The following ABCC8 variants were observed in gnomAD, a reference collection of about 807,000 sequenced individuals.
ABCC8 encodes ATP-binding cassette sub-family C member 8.
In ABCC8, 137 loss-of-function variants were observed where a neutral mutation model predicts 188.0. The ratio of observed to expected loss-of-function variants is 0.73; its 90% CI spans 0.63 to 0.84. The LOEUF (loss-of-function observed/expected upper bound fraction) is 0.84, where lower values mean the gene tolerates loss of function less well. ABCC8 is among the 40% of genes least tolerant of loss of function. The probability of loss-of-function intolerance (pLI) is 0.00; values close to 1 mark genes in which losing one functional copy is unlikely to be tolerated. For synonymous variants in ABCC8, 797 were observed against 846.5 expected, an observed-to-expected ratio of 0.94 and a Z score of 1.01; for missense variants, 1,750 against 2,072.7, an observed-to-expected ratio of 0.84 and a Z score of 3.02.
chr11:17,395,085 C>CA, intron 36 of ABCC8, 87 bp downstream of exon 36: 2 of 1,521,094 alleles, frequency 1.3e-6, no homozygotes, highest in South Asian at 2.4e-5. Flanking sequence ...AAACTTGGGG[C>CA]AAACCTGAGA....
Position 17,476,747 on chromosome 11 carries a change from G to C in ABCC8, c.30C>G (p.Asn10Lys). Reference protein sequence around the residue: MPLAFCGSENHSAAYRVDQG... With the variant: MPLAFCGSEKHSAAYRVDQG... ...GGTCCACCCGGTAGGCGGCCGAGTGGTTCTCGCTGCCGCAGAAGGCCAGGG... is the reference window on the plus strand; with the variant it reads ...GGTCCACCCGGTAGGCGGCCGAGTGCTTCTCGCTGCCGCAGAAGGCCAGGG... Residue 10 changes from asparagine to lysine, a missense_variant, in exon 1 of 39, where the codon AAC becomes AAG. Asn to Lys is a moderately conservative substitution (Grantham distance 94, BLOSUM62 0). Transcript: ENST00000389817. 6.3e-7 allele frequency: 1 copy of C among 1,595,172 alleles called. No individual in the cohort carries two copies. The highest frequency in any genetic ancestry group is 8.5e-7 in the Non-Finnish European group (1 of 1,171,202).
In ABCC8 at chr11:17,427,335, C is replaced by T. The variant is rs2133532790; in HGVS notation, c.2117-181G>A. The T allele has an allele frequency of 2.6e-6, 2 of 783,278 alleles. No individual in the cohort carries two copies. Among genetic ancestry groups the T allele is most frequent in the Non-Finnish European group, 3.1e-6 (2 of 645,710 alleles). 48.5% of individuals were successfully genotyped at this position (783,278 alleles called of 1,614,324 possible). ...TTTCCTTCTGGAAATCAACATCCTC[C>T]TCTGGCTCCCCAGGTCCTTCCCCCT... On this transcript the variant is annotated intron_variant, in intron 15 of 38. Coordinates refer to ENST00000389817, the MANE Select transcript of ABCC8 (RefSeq NM_000352.6). This position sits in a 1 kb window ranked among gnomAD's most constrained non-coding sequence, Gnocchi z 5.0.
chr11:17,413,483 C>A lies in ABCC8; in HGVS notation c.2391-5G>T, dbSNP rs370096884. 6.2e-7 allele frequency: 1 copy of A among 1,613,666 alleles called. No individual in the cohort carries two copies. Among genetic ancestry groups the A allele is most frequent in the South Asian group, 1.1e-5 (1 of 91,060 alleles). ...GCTTCAATGACCATCTTGTACCTGGCGTGGGTAGAGGCAGGGGATGCAGCT... is the reference window on the plus strand; with the variant it reads ...GCTTCAATGACCATCTTGTACCTGGAGTGGGTAGAGGCAGGGGATGCAGCT... On this transcript the variant is annotated splice_region_variant and splice_polypyrimidine_tract_variant and intron_variant, in intron 19 of 38. Coordinates refer to ENST00000389817, the MANE Select transcript of ABCC8 (RefSeq NM_000352.6).
rs763794263 is a variant in ABCC8, at chr11:17,432,232, G to A, written c.1643C>T (p.Thr548Met). The A allele has an allele frequency of 3.1e-5, 48 of 1,552,522 alleles. No individual in the cohort carries two copies. The highest frequency in any genetic ancestry group is 2.4e-5 in the East Asian group (1 of 41,064). ...IYTSISIFMN[T>M]AIPIAAVLIT... The stretch of plus-strand genomic sequence containing the variant: ...GAGGACAGCTGCAATGGGGATGGCC[G>A]TGTTCATGAAAACTGCAGAGGAAGC... Residue 548 changes from threonine to methionine, a missense_variant, in exon 11 of 39, where the codon ACG becomes ATG. Physicochemically the swap from Thr to Met is moderately conservative, Grantham distance 81 (BLOSUM62 -1). Coordinates refer to ENST00000389817, the MANE Select transcript of ABCC8 (RefSeq NM_000352.6).
Position 17,476,740 on chromosome 11 carries a change from C to T in ABCC8, c.37G>A (p.Ala13Thr), listed in dbSNP as rs1343830800. 1.9e-6 allele frequency: 3 copies of T among 1,599,922 alleles called. No homozygotes were observed. Among genetic ancestry groups the T allele is most frequent in the Admixed American group, 1.7e-5 (1 of 58,280 alleles). Reference sequence around the variant, plus strand: ...ACCCCCTGGTCCACCCGGTAGGCGGCCGAGTGGTTCTCGCTGCCGCAGAAG... The same window carrying T: ...ACCCCCTGGTCCACCCGGTAGGCGGTCGAGTGGTTCTCGCTGCCGCAGAAG... The part of the protein sequence containing the change: ...LAFCGSENHS[A>T]AYRVDQGVLN... The change falls in exon 1 of 39, where the codon GCC becomes ACC. Residue 13 changes from alanine to threonine, a missense_variant. By Grantham distance (58) the Ala-to-Thr change is moderately conservative (BLOSUM62 0). Transcript: ENST00000389817.
chr11:17,413,559 C>T (rs887257236), intron 19 of ABCC8, 81 bp from the exon 20 acceptor site: 6 of 1,611,688 alleles, frequency 3.7e-6, no homozygotes, highest in Non-Finnish European at 5.1e-6. Context: ...TCATTAGTCT[C>T]TGGGTAGCTA....
Position 17,393,752 on chromosome 11 carries a change from A to T in ABCC8, c.4553T>A (p.Ile1518Asn). ...TASIDMATEN[I>N]LQKVVMTAFA... ...GGCTGTCATCACCACCTTTTGGAGGATGTTTTCCTGCCAAGTGGGGGCAAC... is the reference window on the plus strand; with the variant it reads ...GGCTGTCATCACCACCTTTTGGAGGTTGTTTTCCTGCCAAGTGGGGGCAAC... The change falls in exon 38 of 39, where the codon ATC (isoleucine) becomes AAC (asparagine). Residue 1518 changes from isoleucine (I) to asparagine (N), a missense_variant. Coordinates refer to ENST00000389817, the MANE Select transcript of ABCC8 (RefSeq NM_000352.6). 1 of 1,614,076 alleles carries T rather than the reference A, an allele frequency of 6.2e-7. No individual in the cohort carries two copies. Among genetic ancestry groups the T allele is most frequent in the Non-Finnish European group, 8.5e-7 (1 of 1,179,944 alleles).
intron 10 of ABCC8, among the ~76,000 whole-genome samples, chr11:17,434,914 TG>T (rs1956008687): frequency 6.6e-6 from 1 of 152,064 alleles, no homozygotes; most frequent in Admixed American, 6.6e-5. Flanking sequence ...GGACAGCCTT[TG>T]TGCAGGGAGT....
chr11:17,437,349 G>A (rs989127873), intron 10 of ABCC8, among the ~76,000 whole-genome samples: 2 of 152,194 alleles, frequency 1.3e-5, no homozygotes, highest in African/African-American at 4.8e-5. Context: ...GCACCAGCCT[G>A]GCATTGCAAT....
chr11:17,443,394 A>T (rs927874223), intron 8 of ABCC8, 82 bp from the exon 9 acceptor site: 1 of 1,606,948 alleles, frequency 6.2e-7, no homozygotes, highest in African/African-American at 1.3e-5. Flanking sequence ...CTGTTTCCCC[A>T]GTCCCCTAGA....
intron 7 of ABCC8, 98 bp from the exon 8 acceptor site, chr11:17,448,769 C>T: frequency 4.4e-6 from 7 of 1,602,032 alleles, no homozygotes. Flanking sequence ...GCTTCTCAGA[C>T]AGTCCCCATG....
At chr11:17,463,107 G>A (rs897915253) in intron 4 of ABCC8, among the ~76,000 whole-genome samples, 2 of 152,122 alleles carry the variant, frequency 1.3e-5, no homozygotes, top group African/African-American at 2.4e-5. Flanking sequence ...ATACATTAAA[G>A]CAAAGTCCCC....
chr11:17,400,754 C>T (rs1271667942), intron 29 of ABCC8, among the ~76,000 whole-genome samples: 3 of 152,184 alleles, frequency 2.0e-5, no homozygotes, highest in African/African-American at 7.2e-5. Context: ...GATTACCCAG[C>T]CTCTCTGGGT....
At chr11:17,402,640 T>A in intron 29 of ABCC8, 21 bp downstream of exon 29, 1 of 1,614,140 alleles carries the variant, frequency 6.2e-7, no homozygotes, top group Non-Finnish European at 8.5e-7. Flanking sequence ...ACTCCTACCT[T>A]GGGGGAATGT....
intron 8 of ABCC8, among the ~76,000 whole-genome samples, chr11:17,447,165 C>T (rs1020252620): frequency 1.5e-4 from 23 of 152,184 alleles, no homozygotes; most frequent in African/African-American, 5.1e-4. Context: ...CAAGCTCTCC[C>T]GGTGGAACCT....
chr11:17,430,501 A>G, intron 12 of ABCC8: 1 of 410,650 alleles, frequency 2.4e-6, no homozygotes, highest in South Asian at 2.2e-5. Context: ...TGAAGTTAGG[A>G]CCAGTGGGTA....
intron 6 of ABCC8, among the ~76,000 whole-genome samples, chr11:17,457,875 CAGGCTGGGCAGAAAA>C (rs1250815480): frequency 6.6e-6 from 1 of 152,170 alleles, no homozygotes; most frequent in Non-Finnish European, 1.5e-5. Context: ...AGGATGGATT[CAGGCTGGGCAGAAAA>C]AACGGCTTCC....
chr11:17,431,150 T>C (rs1405229179), intron 11 of ABCC8, 191 bp from the exon 12 acceptor site: 1 of 920,550 alleles, frequency 1.1e-6, no homozygotes, highest in South Asian at 1.7e-5. Flanking sequence ...AGTTCAGGAC[T>C]TCAAGCTGGA....
At chr11:17,397,593 G>A (rs1036952819) in intron 31 of ABCC8, 91 bp downstream of exon 31, 1 of 1,504,696 alleles carries the variant, frequency 6.6e-7, no homozygotes. Context: ...ATTGGGGTAA[G>A]GCCTGGGAGT....
Sources: gnomAD v4.1 joint callset for allele counts (sites outside exome capture counted in the v4.1 genomes callset) on GRCh38, gnomAD v4.1.1 for gene constraint, Gnocchi (gnomAD v3.1) non-coding constraint, MANE v1.5 for transcripts, NCBI Gene and HGNC (gene_info 2026-07-23, HGNC 2026-07-21) for gene names.